CREB5: variants seen among roughly 807,000 people sequenced by gnomAD.
CREB5 encodes the protein cAMP responsive element binding protein 5, also known as cyclic AMP-responsive element-binding protein 5.
In CREB5, 19 loss-of-function variants were observed where a neutral mutation model predicts 57.1. The observed-to-expected ratio is 0.33, with a 90% CI of 0.23 to 0.49. The LOEUF (loss-of-function observed/expected upper bound fraction) is 0.49, where lower values mean the gene tolerates loss of function less well. CREB5 is among the 20% of genes least tolerant of loss of function. The pLI, the probability that CREB5 is intolerant of heterozygous loss-of-function variation, is 0.99. For synonymous variants in CREB5, 238 were observed against 238.3 expected, an observed-to-expected ratio of 1.00 and a Z score of 0.01; for missense variants, 579 against 671.6, an observed-to-expected ratio of 0.86 and a Z score of 1.52.
chr7:28,535,843 G>A (rs576517735), intron 4 of CREB5, among the ~76,000 whole-genome samples: 1 of 152,190 alleles, frequency 6.6e-6, no homozygotes, highest in African/African-American at 2.4e-5. Context: ...CCTTGGTTGG[G>A]CTGTGCTAAC....
chr7:28,758,849 C>T (rs1352667300), intron 7 of CREB5, among the ~76,000 whole-genome samples: 1 of 152,122 alleles, frequency 6.6e-6, no homozygotes, highest in East Asian at 1.9e-4. Flanking sequence ...ATCAATATGG[C>T]CTTTCACAGT....
chr7:28,680,659 C>T (rs568671243), intron 5 of CREB5, among the ~76,000 whole-genome samples: 36 of 151,486 alleles, frequency 2.4e-4, no homozygotes, highest in Non-Finnish European at 4.6e-4. Flanking sequence ...CTCAGAAGGC[C>T]GAGGTGGGGG....
At chr7:28,486,651 A>T (rs1791557646) in intron 1 of CREB5, among the ~76,000 whole-genome samples, 1 of 83,426 alleles carries the variant, frequency 1.2e-5, no homozygotes, top group Non-Finnish European at 2.5e-5. Context: ...AAATAACTAA[A>T]CGTGTATCTC....
At chr7:28,413,229 T>C (rs1378012662) in intron 1 of CREB5, among the ~76,000 whole-genome samples, 2 of 152,004 alleles carry the variant, frequency 1.3e-5, no homozygotes, top group African/African-American at 4.8e-5. Context: ...TGAATTCCCC[T>C]TTCTGTGAGG....
intron 1 of CREB5, among the ~76,000 whole-genome samples, chr7:28,439,476 G>C (rs1789095687): frequency 6.6e-6 from 1 of 152,254 alleles, no homozygotes; most frequent in South Asian, 2.1e-4. Flanking sequence ...ATAATAGCCA[G>C]TTAAGACAAT....
intron 5 of CREB5, among the ~76,000 whole-genome samples, chr7:28,690,955 C>G (rs1801218655): frequency 2.0e-5 from 3 of 152,060 alleles, no homozygotes; most frequent in Non-Finnish European, 4.4e-5. Context: ...AGGATACTAG[C>G]GATTAAAATG....
At chr7:28,804,672 A>G in intron 8 of CREB5, 150 bp downstream of exon 8, 10 of 937,354 alleles carry the variant, frequency 1.1e-5, no homozygotes, top group Non-Finnish European at 1.5e-5. Flanking sequence ...CTAGGAGGCA[A>G]GCCTTACCCA....
chr7:28,480,102 C>T (rs1791261828), intron 1 of CREB5, among the ~76,000 whole-genome samples: 1 of 151,704 alleles, frequency 6.6e-6, no homozygotes, highest in Non-Finnish European at 1.5e-5. Context: ...AAAGTTGTGA[C>T]TCTTAAGAAT....
intron 1 of CREB5, among the ~76,000 whole-genome samples, chr7:28,355,446 A>G (rs766831617): frequency 2.0e-5 from 3 of 152,224 alleles, no homozygotes; most frequent in African/African-American, 7.2e-5. Flanking sequence ...TAAAATCATA[A>G]TAAGACTTTA....
At chr7:28,616,667 C>A (rs915288544) in intron 5 of CREB5, among the ~76,000 whole-genome samples, 1 of 152,072 alleles carries the variant, frequency 6.6e-6, no homozygotes, top group African/African-American at 2.4e-5. Context: ...GCACTCCAAC[C>A]AGAGAGGCAG....
chr7:28,540,392 T>C (rs1794158551), intron 4 of CREB5, among the ~76,000 whole-genome samples: 9 of 152,078 alleles, frequency 5.9e-5, no homozygotes, highest in Admixed American at 5.9e-4. Flanking sequence ...TTGAGTTAGA[T>C]TGAGGAGGGC....
intron 4 of CREB5, among the ~76,000 whole-genome samples, chr7:28,560,805 T>TGCGTGTGC (rs1299212365): frequency 3.7e-5 from 2 of 54,770 alleles, no homozygotes; most frequent in South Asian, 1.4e-3. Flanking sequence ...ACAGTGTGTG[T>TGCGTGTGC]GCGCGTGTGT....
chr7:28,484,736 A>G (rs1420725731), intron 1 of CREB5, among the ~76,000 whole-genome samples: 1 of 152,326 alleles, frequency 6.6e-6, no homozygotes, highest in South Asian at 2.1e-4. Context: ...AGAACCTATC[A>G]ATGACTAAAC....
chr7:28,343,027 G>A (rs964559384), intron 1 of CREB5, among the ~76,000 whole-genome samples: 10 of 151,734 alleles, frequency 6.6e-5, no homozygotes, highest in Non-Finnish European at 1.5e-4. Context: ...TGCAAGCTCC[G>A]CCTCCCGGGT....
At chr7:28,358,198 T>C (rs1158833978) in intron 1 of CREB5, among the ~76,000 whole-genome samples, 1 of 152,178 alleles carries the variant, frequency 6.6e-6, no homozygotes, top group African/African-American at 2.4e-5. Flanking sequence ...GGCTTAAATA[T>C]GCTCCGCTGA....
intron 8 of CREB5, among the ~76,000 whole-genome samples, chr7:28,807,916 G>A (rs1808842173): frequency 6.6e-6 from 1 of 152,160 alleles, no homozygotes; most frequent in Admixed American, 6.5e-5. Flanking sequence ...GGTGCTGTGT[G>A]TCTGCCTTAT....
intron 7 of CREB5, among the ~76,000 whole-genome samples, chr7:28,759,278 TA>T (rs2128768472): frequency 6.6e-6 from 1 of 152,240 alleles, no homozygotes; most frequent in East Asian, 1.9e-4. Context: ...TCATGTCAAG[TA>T]AAAAGGAAAT....
chr7:28,371,599 A>G (rs938374442), intron 1 of CREB5, among the ~76,000 whole-genome samples: 4 of 152,066 alleles, frequency 2.6e-5, no homozygotes, highest in South Asian at 2.1e-4. Context: ...CAGCACCACC[A>G]TGGCCCCAGC....
At chr7:28,542,512 G>A (rs147923159) in intron 4 of CREB5, among the ~76,000 whole-genome samples, 1 of 152,270 alleles carries the variant, frequency 6.6e-6, no homozygotes, top group Non-Finnish European at 1.5e-5. Context: ...GAGACAGAGT[G>A]GAAAATGTAA....
Sources: allele counts gnomAD v4.1 joint callset (sites outside exome capture counted in the v4.1 genomes callset), GRCh38; gene constraint gnomAD v4.1.1; transcripts MANE v1.5; gene names NCBI Gene and HGNC (gene_info 2026-07-23, HGNC 2026-07-21).